Variants in LIX1 observed in about 807,000 individuals in gnomAD.
LIX1 encodes protein limb expression 1 homolog.
LIX1 carries 24 observed loss-of-function variants against 33.4 expected under a neutral mutation model. That is an observed-to-expected ratio of 0.72 (90% confidence interval 0.52 to 1.01). LIX1 has a LOEUF of 1.01. Among genes scored for constraint, LIX1 ranks in the 50% least tolerant of loss-of-function variants. The pLI, the probability that LIX1 is intolerant of heterozygous loss-of-function variation, is 0.00. For missense variants in LIX1, 311 were observed against 339.2 expected (o/e 0.92, Z 0.65); for synonymous variants, 124 against 124.0 (o/e 1.00, Z 0.00).
intron 2 of LIX1, among the ~76,000 whole-genome samples, chr5:97,112,656 C>T (rs1232982181): frequency 1.3e-5 from 2 of 152,136 alleles, no homozygotes; most frequent in African/African-American, 4.8e-5. Context: ...ATTTCTCAGG[C>T]ATGTGGAGCC....
At position 97,093,433 on chromosome 5, in the gene LIX1, C is replaced by A. The variant is rs1746175252; in HGVS notation, c.*1315G>T. The A allele has an allele frequency of 6.6e-6, 1 of 152,024 alleles. No homozygotes were observed. The highest frequency in any genetic ancestry group is 6.6e-5 in the Admixed American group (1 of 15,240). The allele number at this position is 152,024 out of a possible 1,614,324, so 9.4% of individuals were successfully genotyped here. On this transcript the variant is annotated 3_prime_UTR_variant, in exon 6 of 6. Coordinates refer to ENST00000274382, the MANE Select transcript of LIX1 (RefSeq NM_153234.5). ...TTACAGATATGGAAAGACCTATGAG[C>A]ATTTAAAATTGACATTGCTGACATT...
intron 1 of LIX1, among the ~76,000 whole-genome samples, chr5:97,131,338 T>G (rs1163757452): frequency 6.6e-6 from 1 of 152,168 alleles, no homozygotes; most frequent in African/African-American, 2.4e-5. Flanking sequence ...ACTCCCACAC[T>G]TCAGGGGAAA....
At chr5:97,119,385 T>C (rs1039380772) in intron 2 of LIX1, among the ~76,000 whole-genome samples, 2 of 152,228 alleles carry the variant, frequency 1.3e-5, no homozygotes, top group Admixed American at 6.5e-5. Context: ...AAATGTTATA[T>C]GGTGAAAATA....
chr5:97,142,452 A>G (rs749022782), intron 1 of LIX1, 43 bp downstream of exon 1: 1 of 1,397,806 alleles, frequency 7.2e-7, no homozygotes, highest in Non-Finnish European at 1.0e-6. Flanking sequence ...GTTTAGGACT[A>G]TTTTCTAAAA....
intron 2 of LIX1, among the ~76,000 whole-genome samples, chr5:97,110,862 G>A (rs1489267340): frequency 3.3e-5 from 5 of 152,106 alleles, no homozygotes; most frequent in African/African-American, 1.2e-4. Context: ...AAGGCTTTGG[G>A]GGAAGCTTTA....
intron 1 of LIX1, among the ~76,000 whole-genome samples, chr5:97,131,653 C>T (rs1164369509): frequency 6.6e-6 from 1 of 152,202 alleles, no homozygotes; most frequent in African/African-American, 2.4e-5. Flanking sequence ...TCTCTGTAGC[C>T]TCCTTGGTAT....
chr5:97,122,609 C>G (rs774192321), intron 2 of LIX1, among the ~76,000 whole-genome samples: 2 of 152,158 alleles, frequency 1.3e-5, no homozygotes, highest in Non-Finnish European at 2.9e-5. Flanking sequence ...TCTGGCCCAT[C>G]TTTGCAGGCT....
intron 1 of LIX1, among the ~76,000 whole-genome samples, chr5:97,136,557 A>T (rs1748176589): frequency 6.6e-6 from 1 of 152,214 alleles, no homozygotes; most frequent in Admixed American, 6.5e-5. Flanking sequence ...CCTGGAACTT[A>T]CAACTTAGGT....
At chr5:97,104,987 C>T (rs555390860) in intron 4 of LIX1, among the ~76,000 whole-genome samples, 2 of 152,146 alleles carry the variant, frequency 1.3e-5, no homozygotes, top group Non-Finnish European at 2.9e-5. Context: ...AAGATTGTTT[C>T]CTGATTGCGT....
At chr5:97,110,076 A>AT (rs1312269338) in intron 2 of LIX1, among the ~76,000 whole-genome samples, 1 of 152,112 alleles carries the variant, frequency 6.6e-6, no homozygotes. Context: ...ATATAATGAC[A>AT]TTTTTTTCTT....
At chr5:97,103,909 G>T (rs1252559672) in intron 4 of LIX1, among the ~76,000 whole-genome samples, 1 of 150,310 alleles carries the variant, frequency 6.7e-6, no homozygotes, top group African/African-American at 2.5e-5. Context: ...AGCTTGCAGT[G>T]AGCCAAGATC....
At position 97,094,902 on chromosome 5, in the gene LIX1, A is replaced by C. The variant is rs1746290619; in HGVS notation, c.695T>G (p.Leu232Trp). The change falls in exon 6 of 6, where the codon TTG becomes TGG. Residue 232 changes from leucine (L) to tryptophan (W), a missense_variant. Transcript: ENST00000274382. ...TTGTCCTGCTTTCCTGGCTTCCTCCAACTGCCTCAGGGCCATTCGTAGCTC... is the reference window on the plus strand; with the variant it reads ...TTGTCCTGCTTTCCTGGCTTCCTCCCACTGCCTCAGGGCCATTCGTAGCTC... ...SQELRMALRQ[L>W]EEARKAGQEL... 1 of 1,614,028 alleles carries C rather than the reference A, an allele frequency of 6.2e-7. No individual in the cohort carries two copies. Among genetic ancestry groups the C allele is most frequent in the Non-Finnish European group, 8.5e-7 (1 of 1,180,038 alleles).
At chr5:97,096,138 G>A (rs1052579199) in intron 5 of LIX1, among the ~76,000 whole-genome samples, 5 of 152,084 alleles carry the variant, frequency 3.3e-5, no homozygotes, top group Non-Finnish European at 5.9e-5. Context: ...ACATTCTAAC[G>A]GTGGGTAGAG....
chr5:97,107,391 T>A lies in LIX1; in HGVS notation c.356A>T (p.Glu119Val). 6.2e-7 allele frequency: 1 copy of A among 1,612,438 alleles called. No homozygotes were observed. Among genetic ancestry groups the A allele is most frequent in the Non-Finnish European group, 8.5e-7 (1 of 1,179,992 alleles). The change falls in exon 3 of 6, where the codon GAA (glutamate) becomes GTA (valine). Residue 119 changes from glutamate to valine, a missense_variant. Glu to Val is a moderately radical substitution (Grantham distance 121, BLOSUM62 -2). Transcript: ENST00000274382. ...GGAGGCTACTGCTTCCTGAACACTT[T>A]CCATAATGAATTCCTTGGTGATCCT... ...SRRITKEFIM[E>V]SVQEAVASTS...
At chr5:97,134,871 A>G (rs940246333) in intron 1 of LIX1, among the ~76,000 whole-genome samples, 9 of 152,182 alleles carry the variant, frequency 5.9e-5, no homozygotes, top group African/African-American at 1.9e-4. Flanking sequence ...TCTTTTGTGT[A>G]GACACTTTCA....
chr5:97,133,057 A>G (rs1294028680), intron 1 of LIX1, among the ~76,000 whole-genome samples: 1 of 152,210 alleles, frequency 6.6e-6, no homozygotes, highest in Non-Finnish European at 1.5e-5. Flanking sequence ...GCCAATAAGC[A>G]TATATGATCT....
At chr5:97,107,875 GA>G (rs1232064482) in intron 2 of LIX1, among the ~76,000 whole-genome samples, 4 of 152,150 alleles carry the variant, frequency 2.6e-5, no homozygotes, top group African/African-American at 9.7e-5. Flanking sequence ...AAAATGTAAG[GA>G]AAGGAGAAAA....
chr5:97,115,714 T>C (rs997158364), intron 2 of LIX1, among the ~76,000 whole-genome samples: 3 of 148,848 alleles, frequency 2.0e-5, no homozygotes, highest in African/African-American at 7.5e-5. Context: ...TGCCTCCCAA[T>C]GGTAGCCAAG....
chr5:97,142,471 A>G (rs1748309868), intron 1 of LIX1, 24 bp downstream of exon 1: 6 of 1,584,060 alleles, frequency 3.8e-6, no homozygotes, highest in Non-Finnish European at 5.2e-6. Flanking sequence ...AAAGTCAAAA[A>G]ACTTTTCCCC....
Sources: allele counts gnomAD v4.1 joint callset (sites outside exome capture counted in the v4.1 genomes callset), GRCh38; gene constraint gnomAD v4.1.1; transcripts MANE v1.5; gene names NCBI Gene and HGNC (gene_info 2026-07-23, HGNC 2026-07-21).